Variants in SSH2 observed in about 807,000 individuals in gnomAD.
SSH2 encodes the protein protein phosphatase Slingshot homolog 2.
A neutral mutation model predicts 135.2 loss-of-function variants in SSH2; 37 were observed. That is an observed-to-expected ratio of 0.27 (90% CI 0.21 to 0.36). The LOEUF (loss-of-function observed/expected upper bound fraction) is 0.36. Among genes scored for constraint, SSH2 ranks in the 10% least tolerant of loss-of-function variants. The pLI, the probability that SSH2 is intolerant of heterozygous loss-of-function variation, is 1.00. For synonymous variants in SSH2, 628 were observed against 646.2 expected (o/e 0.97, Z 0.43); for missense variants, 1,408 against 1,765.3 (o/e 0.80, Z 3.63).
At chr17:29,639,897 C>G (rs1307193755) in intron 14 of SSH2, among the ~76,000 whole-genome samples, 1 of 152,108 alleles carries the variant, frequency 6.6e-6, no homozygotes, top group African/African-American at 2.4e-5. Flanking sequence ...ATTTCTATCC[C>G]TCACCTATCA....
At chr17:29,742,002 T>C (rs2040576198) in intron 3 of SSH2, among the ~76,000 whole-genome samples, 1 of 149,470 alleles carries the variant, frequency 6.7e-6, no homozygotes, top group Middle Eastern at 3.4e-3. Flanking sequence ...TGGTGCAATC[T>C]TGGCTCACTG....
At position 29,815,425 on chromosome 17, in the gene SSH2, A is replaced by G. The variant is rs1473470018; in HGVS notation, c.145-21488T>C. ...GTGTTAGCCACCGTGCCTGGCCCCT[A>G]TTTTTTGTATTTTTTAGTAGAGACG... On this transcript the variant is annotated intron_variant, in intron 2 of 15. Coordinates refer to ENST00000540801, the MANE Select transcript of SSH2 (RefSeq NM_001282129.2). 4.0e-5 allele frequency among the ~76,000 whole-genome samples: 6 copies of G among 151,270 alleles called. No homozygotes were observed. The East Asian group carries it at 7.8e-4, about 20-fold the overall frequency.
At chr17:29,675,260 C>T (rs879331826) in intron 8 of SSH2, among the ~76,000 whole-genome samples, 3 of 152,122 alleles carry the variant, frequency 2.0e-5, no homozygotes, top group Non-Finnish European at 4.4e-5. Flanking sequence ...GGATTCCACC[C>T]ACCTCCATCC....
At chr17:29,763,276 T>G (rs530393128) in intron 3 of SSH2, among the ~76,000 whole-genome samples, 1 of 152,100 alleles carries the variant, frequency 6.6e-6, no homozygotes, top group East Asian at 1.9e-4. Context: ...AAGTGAAGAG[T>G]TAACGGAAGG....
chr17:29,907,480 A>G lies in SSH2; in HGVS notation c.63+22458T>C, dbSNP rs2066676990. Among the ~76,000 whole-genome samples the G allele has an allele frequency of 2.0e-5, 3 of 152,226 alleles. No individual in the cohort carries two copies. The South Asian group carries it at 6.2e-4, about 31-fold the overall frequency. On this transcript the variant is annotated intron_variant, in intron 1 of 15. Transcript: ENST00000540801. ...ATGTTTACTTATGTAACAAACCTGC[A>G]CATTCCTGCACATGTATCCCTGAAC...
At chr17:29,643,740 C>T (rs1000933438) in intron 14 of SSH2, among the ~76,000 whole-genome samples, 3 of 152,108 alleles carry the variant, frequency 2.0e-5, no homozygotes, top group African/African-American at 7.2e-5. Context: ...GTGATCCACC[C>T]GCCTCGGCCT....
At position 29,750,530 on chromosome 17, in the gene SSH2, C is replaced by T. The variant is rs572351516; in HGVS notation, c.188+43364G>A. Among the ~76,000 whole-genome samples, 95 of 151,782 alleles carry T rather than the reference C, an allele frequency of 6.3e-4. 1 individual carries two copies. The highest frequency in any genetic ancestry group is 1.6e-3 in the Admixed American group (25 of 15,264). On this transcript the variant is annotated intron_variant, in intron 3 of 15. Transcript: ENST00000540801. ...AAAAATATTTTCTTTATATGCTCCT[C>T]CTCCTTCTTCTTCTAAGAGACAGCA...
intron 1 of SSH2, among the ~76,000 whole-genome samples, chr17:29,876,619 G>T (rs1194509654): frequency 2.6e-5 from 4 of 151,704 alleles, no homozygotes; most frequent in Non-Finnish European, 5.9e-5. Flanking sequence ...ATACATTGGG[G>T]AAAAGACAGT....
At chr17:29,700,790 A>G (rs1414067306) in intron 4 of SSH2, among the ~76,000 whole-genome samples, 1 of 152,014 alleles carries the variant, frequency 6.6e-6, no homozygotes, top group Non-Finnish European at 1.5e-5. Flanking sequence ...GAACAGCTAA[A>G]CTTCTTTTTT....
intron 5 of SSH2, among the ~76,000 whole-genome samples, chr17:29,690,781 C>T (rs562461164): frequency 1.3e-5 from 2 of 151,780 alleles, no homozygotes; most frequent in South Asian, 4.2e-4. Flanking sequence ...TTCTGTGTAG[C>T]CATTAAAAAC....
intron 2 of SSH2, among the ~76,000 whole-genome samples, chr17:29,817,533 T>G (rs576553441): frequency 1.3e-5 from 2 of 152,202 alleles, no homozygotes; most frequent in African/African-American, 4.8e-5. Context: ...CATTAGAATT[T>G]TTATAATCAA....
intron 11 of SSH2, among the ~76,000 whole-genome samples, chr17:29,661,153 C>T (rs1191870812): frequency 6.6e-6 from 1 of 151,812 alleles, no homozygotes; most frequent in African/African-American, 2.4e-5. Context: ...TGGGCCTCTG[C>T]CCTCATCACT....
chr17:29,750,878 A>AT (rs1021617225), intron 3 of SSH2, among the ~76,000 whole-genome samples: 22 of 147,820 alleles, frequency 1.5e-4, no homozygotes, highest in African/African-American at 2.0e-4. Context: ...AAAAAAAAGT[A>AT]TTTTTTTTTA....
intron 3 of SSH2, among the ~76,000 whole-genome samples, chr17:29,705,287 C>A (rs534448875): frequency 2.6e-5 from 4 of 152,092 alleles, no homozygotes; most frequent in Non-Finnish European, 5.9e-5. Flanking sequence ...TTTTCTTAAG[C>A]CTTTTATTAT....
chr17:29,886,746 CAAA>C (rs1194032622), intron 1 of SSH2, among the ~76,000 whole-genome samples: 4 of 57,008 alleles, frequency 7.0e-5, no homozygotes, highest in Non-Finnish European at 3.7e-5. Flanking sequence ...GACTCCATCT[CAAA>C]AAAAAAAAAA....
chr17:29,739,118 T>C (rs2040474237), intron 3 of SSH2, among the ~76,000 whole-genome samples: 2 of 152,230 alleles, frequency 1.3e-5, no homozygotes, highest in African/African-American at 4.8e-5. Flanking sequence ...CAATTCTTAC[T>C]GCAGGTTCTC....
Position 29,632,370 on chromosome 17 carries a change from C to T in SSH2, c.2824G>A (p.Asp942Asn). The change falls in exon 16 of 16, where the codon GAT (aspartate) becomes AAT (asparagine). Residue 942 changes from aspartate to asparagine, a missense_variant. Physicochemically the swap from Asp to Asn is conservative, Grantham distance 23. Coordinates refer to ENST00000540801, the MANE Select transcript of SSH2 (RefSeq NM_001282129.2). The stretch of plus-strand genomic sequence containing the variant: ...AATGAATGTTCTGGGGGGGCTTCAT[C>T]ACTTTTCCCTTTTGGTGCTAGGTCT... ...VADLAPKGKS[D>N]EAPPEHSFVL... 6.2e-7 allele frequency: 1 copy of T among 1,614,050 alleles called. No homozygotes were observed. Among genetic ancestry groups the T allele is most frequent in the Non-Finnish European group, 8.5e-7 (1 of 1,179,892 alleles).
chr17:29,817,270 C>T (rs2042574606), intron 2 of SSH2, among the ~76,000 whole-genome samples: 1 of 152,194 alleles, frequency 6.6e-6, no homozygotes, highest in South Asian at 2.1e-4. Context: ...CTCACTCTTA[C>T]TTCCTTAAGG....
intron 3 of SSH2, among the ~76,000 whole-genome samples, chr17:29,739,721 G>C (rs943856685): frequency 3.3e-5 from 5 of 152,066 alleles, no homozygotes; most frequent in Non-Finnish European, 5.9e-5. Flanking sequence ...TGAAATACCT[G>C]AATCTAATCT....
Sources: gnomAD v4.1 joint callset for allele counts (sites outside exome capture counted in the v4.1 genomes callset) on GRCh38, gnomAD v4.1.1 for gene constraint, MANE v1.5 for transcripts, NCBI Gene and HGNC (gene_info 2026-07-23, HGNC 2026-07-21) for gene names.